TRPV3: variants seen among roughly 807,000 people sequenced by gnomAD.
TRPV3 encodes VRL-3.
A neutral mutation model predicts 87.1 loss-of-function variants in TRPV3; 88 were observed. The ratio of observed to expected loss-of-function variants is 1.01; its 90% CI spans 0.85 to 1.21. The LOEUF is 1.21. TRPV3 is among the 50% of genes most tolerant of loss of function. The pLI is 0.00. For missense variants in TRPV3, 1,054 were observed against 1,030.1 expected, an observed-to-expected ratio of 1.02 and a Z score of -0.32; for synonymous variants, 438 against 423.3, an observed-to-expected ratio of 1.03 and a Z score of -0.43.
chr17:3,549,916 G>A (rs2150806583), intron 2 of TRPV3, among the ~76,000 whole-genome samples: 1 of 150,878 alleles, frequency 6.6e-6, no homozygotes, highest in East Asian at 2.0e-4. Context: ...TAGATGAGTG[G>A]ATGGTTGATG....
Position 3,526,212 on chromosome 17 carries a change from T to C in TRPV3, c.1577+642A>G, listed in dbSNP as rs558292119. On this transcript the variant is annotated intron_variant, in intron 12 of 17. Transcript: ENST00000576742. ...AAGCAGAAGAGGCCGGCGCAGGAGC[T>C]CACACCTGGAATCCCAGCACTCTGC... Among the ~76,000 whole-genome samples the C allele has an allele frequency of 3.9e-5, 6 of 152,164 alleles. No homozygotes were observed. The East Asian group carries it at 1.2e-3, about 29-fold the overall frequency.
At position 3,530,259 on chromosome 17, in the gene TRPV3, G is replaced by T. The variant is rs1319082529; in HGVS notation, c.1066-56C>A. ...GCAGAACAGGGGCTTAAGGCCAACA[G>T]GGCTGGACCAGCCAGAGGCTGGCTG... On this transcript the variant is annotated intron_variant, in intron 8 of 17. Transcript: ENST00000576742. This position sits in a 1 kb window ranked among gnomAD's most constrained non-coding sequence, Gnocchi z 4.0. The T allele has an allele frequency of 2.2e-5, 34 of 1,541,662 alleles. No homozygotes were observed. The highest frequency in any genetic ancestry group is 9.4e-5 in the Admixed American group (5 of 53,290).
At chr17:3,543,708 A>G (rs992285012) in intron 4 of TRPV3, 80 bp from the exon 5 acceptor site, 35 of 1,566,216 alleles carry the variant, frequency 2.2e-5, no homozygotes, top group Admixed American at 3.4e-5. Context: ...AGAGCTGCCT[A>G]CGGGGCGCTG....
At chr17:3,543,754 GCCTGCAAACTCCTGGGCTCTGTGTGGA>G (rs1463879892) in intron 4 of TRPV3, 126 bp from the exon 5 acceptor site, 7 of 1,266,226 alleles carry the variant, frequency 5.5e-6, no homozygotes, top group East Asian at 2.3e-5. Flanking sequence ...CTGTCACAAT[GCCTGCAAACTCCTGGGCTCTGTGTGGA>G]CCCATCAGGC....
intron 14 of TRPV3, among the ~76,000 whole-genome samples, chr17:3,519,887 T>TGGATG (rs1234835986): frequency 2.0e-5 from 2 of 98,026 alleles, no homozygotes; most frequent in African/African-American, 7.2e-5. Context: ...GATGGATGGA[T>TGGATG]GATTGGATGG....
intron 6 of TRPV3, among the ~76,000 whole-genome samples, chr17:3,536,940 A>T (rs2074414068): frequency 6.6e-6 from 1 of 152,212 alleles, no homozygotes; most frequent in African/African-American, 2.4e-5. Flanking sequence ...GCTGTGTCAT[A>T]AACAAACATA....
rs2074240041 is a variant in TRPV3, at chr17:3,521,000, T to C, written c.1783A>G (p.Ile595Val). ...HDVLKFLFVY[I>V]VFLLGFGVAL... Reference sequence around the variant, plus strand: ...ACTCCAAATCCAAGCAAAAACACGATATATACAAACAAGAACTTCAGAACA... The same window carrying C: ...ACTCCAAATCCAAGCAAAAACACGACATATACAAACAAGAACTTCAGAACA... Residue 595 changes from isoleucine to valine, a missense_variant, in exon 14 of 18, where the codon ATC becomes GTC. Ile to Val is a conservative substitution (Grantham distance 29, BLOSUM62 3). Transcript: ENST00000576742. The C allele has an allele frequency of 1.2e-6, 2 of 1,607,916 alleles. No individual in the cohort carries two copies. Among genetic ancestry groups the C allele is most frequent in the South Asian group, 1.1e-5 (1 of 90,722 alleles).
intron 15 of TRPV3, among the ~76,000 whole-genome samples, chr17:3,516,975 G>A (rs915838003): frequency 1.3e-5 from 2 of 151,988 alleles, no homozygotes; most frequent in African/African-American, 2.4e-5. Context: ...GCAAAAGCCG[G>A]TCTCTACTAA....
intron 14 of TRPV3, among the ~76,000 whole-genome samples, chr17:3,519,672 CGATG>C (rs1366920086): frequency 3.3e-5 from 2 of 60,428 alleles, no homozygotes; most frequent in Non-Finnish European, 6.3e-5. Context: ...ACTGATTGAT[CGATG>C]GATGGATGGA....
In TRPV3 at chr17:3,543,535, C is replaced by CA. The variant is rs2074489163; in HGVS notation, c.404dup (p.Leu135PhefsTer17). On this transcript the variant is annotated frameshift_variant, in exon 5 of 18. Coordinates refer to ENST00000576742, the MANE Select transcript of TRPV3 (RefSeq NM_145068.4). LOFTEE classifies it high-confidence loss of function. ...CCTGCAGCTCCACCAGCAACTCTAC[C>CA]AACTCCTCCACGCAGCCCTCAGACA... is the stretch of plus-strand genomic sequence containing the variant. 1 of 1,613,968 alleles carries CA rather than the reference C, an allele frequency of 6.2e-7. No homozygotes were observed. The highest frequency in any genetic ancestry group is 1.3e-5 in the African/African-American group (1 of 74,940).
rs200933304 is a variant in TRPV3 at position 3,530,207 on chromosome 17, G to C, written c.1066-4C>G. 284 of 1,608,730 alleles carry C rather than the reference G, an allele frequency of 1.8e-4. No homozygotes were observed. Among genetic ancestry groups the C allele is most frequent in the Non-Finnish European group, 2.4e-4 (277 of 1,176,860 alleles). ...GACTGAGGATGTACTTCAGGATCTG[G>C]GACAGGAGGAGGAACAACCATCAGC... is the stretch of plus-strand genomic sequence containing the variant. On this transcript the variant is annotated splice_region_variant and splice_polypyrimidine_tract_variant and intron_variant, in intron 8 of 17. Transcript: ENST00000576742. The surrounding 1 kb of genome is among the most constrained non-coding windows in gnomAD (Gnocchi z 4.0).
At position 3,555,394 on chromosome 17, in the gene TRPV3, A is replaced by G. The variant is rs7219114; in HGVS notation, c.-2-542T>C. Among the ~76,000 whole-genome samples the G allele has an allele frequency of 5.0e-3, 761 of 152,322 alleles. 4 individuals carry two copies. The highest frequency in any genetic ancestry group is 0.017 in the African/African-American group (716 of 41,576). ...CTCTAGATGTTATGCTCCTAGTAAC[A>G]CAGCCTTAAGCTCCTCAGGTGTTTT... On this transcript the variant is annotated intron_variant, in intron 1 of 17. Coordinates refer to ENST00000576742, the MANE Select transcript of TRPV3 (RefSeq NM_145068.4).
Position 3,554,852 on chromosome 17 carries a change from G to A in TRPV3, c.-2C>T, listed in dbSNP as rs1168951967. On this transcript the variant is annotated splice_region_variant and 5_prime_UTR_variant, in exon 2 of 18. Coordinates refer to ENST00000576742, the MANE Select transcript of TRPV3 (RefSeq NM_145068.4). ...CATCTCCTTGGGGTGGGCTTTCATG[G>A]CTGGAATACAACCACAGGGCAGATG... 1.2e-6 allele frequency: 2 copies of A among 1,605,276 alleles called. No homozygotes were observed. The highest frequency in any genetic ancestry group is 1.1e-5 in the South Asian group (1 of 90,122).
intron 6 of TRPV3, chr17:3,539,549 G>A (rs2074440577): frequency 6.6e-6 from 1 of 152,092 alleles, no homozygotes. Context: ...CTACTCGGGA[G>A]GCTGAGGTGG....
rs905142284 is a variant in TRPV3, at chr17:3,514,461, G to A, written c.2278+132C>T. 1.1e-4 allele frequency: 76 copies of A among 671,866 alleles called. No individual in the cohort carries two copies. In the South Asian group the frequency reaches 1.3e-3, roughly 11 times the overall value. The allele number at this position is 671,866 out of a possible 1,614,324, so 41.6% of individuals were successfully genotyped here. ...GGTTCTAAAAGTCAGAGCTGGAAGAGACCTAAGAAGCATTTCCATTCAACC... is the reference window on the plus strand; with the variant it reads ...GGTTCTAAAAGTCAGAGCTGGAAGAAACCTAAGAAGCATTTCCATTCAACC... On this transcript the variant is annotated intron_variant, in intron 17 of 17. Coordinates refer to ENST00000576742, the MANE Select transcript of TRPV3 (RefSeq NM_145068.4).
At chr17:3,514,753 T>G in intron 16 of TRPV3, 81 bp from the exon 17 acceptor site, 44 of 1,037,134 alleles carry the variant, frequency 4.2e-5, no homozygotes, top group Non-Finnish European at 6.1e-5. Flanking sequence ...TGGGACGTCC[T>G]GGTGTCTACA....
Position 3,532,843 on chromosome 17 carries a change from G to C in TRPV3, c.879C>G (p.Asp293Glu). The part of the protein sequence containing the change: ...EHEQTDITSR[D>E]SRGNNILHAL... ...CGTGAAGGATGTTGTTGCCTCGTGA[G>C]TCCCGCGAGGTGATGTCCGTCTGCT... Residue 293 changes from aspartate (D) to glutamate (E), a missense_variant, in exon 8 of 18, where the codon GAC becomes GAG. Asp to Glu is a conservative substitution (Grantham distance 45, BLOSUM62 2). Transcript: ENST00000576742. The C allele has an allele frequency of 1.2e-6, 2 of 1,614,264 alleles. No individual in the cohort carries two copies. Among genetic ancestry groups the C allele is most frequent in the Non-Finnish European group, 1.7e-6 (2 of 1,180,048 alleles).
intron 13 of TRPV3, among the ~76,000 whole-genome samples, chr17:3,523,354 C>T (rs955202571): frequency 4.6e-5 from 7 of 152,204 alleles, no homozygotes; most frequent in Admixed American, 4.6e-4. Flanking sequence ...TCTCAACCAA[C>T]ATTCATGTCT....
At chr17:3,516,740 G>C (rs1266183275) in intron 15 of TRPV3, among the ~76,000 whole-genome samples, 171 bp from the exon 16 acceptor site, 1 of 152,264 alleles carries the variant, frequency 6.6e-6, no homozygotes, top group Admixed American at 6.5e-5. Context: ...CGGGCACGGT[G>C]GCTCACACCT....
Sources: allele counts gnomAD v4.1 joint callset (sites outside exome capture counted in the v4.1 genomes callset), GRCh38; gene constraint gnomAD v4.1.1; non-coding constraint Gnocchi (gnomAD v3.1); transcripts MANE v1.5; gene names NCBI Gene and HGNC (gene_info 2026-07-23, HGNC 2026-07-21).